CTNNA3: variants seen among roughly 807,000 people sequenced by gnomAD.
CTNNA3 encodes catenin alpha-3.
A neutral mutation model predicts 95.7 loss-of-function variants in CTNNA3; 76 were observed. That is an observed-to-expected ratio of 0.79 (90% CI 0.66 to 0.96). CTNNA3 has a LOEUF of 0.96. Among genes scored for constraint, CTNNA3 ranks in the 40% least tolerant of loss-of-function variants. CTNNA3 has a pLI of 0.00. For synonymous variants in CTNNA3, 431 were observed against 374.4 expected (o/e 1.15, Z -1.74); for missense variants, 1,191 against 1,089.8 (o/e 1.09, Z -1.31).
intron 11 of CTNNA3, among the ~76,000 whole-genome samples, chr10:66,470,879 T>G (rs143616685): frequency 6.6e-6 from 1 of 152,000 alleles, no homozygotes; most frequent in Non-Finnish European, 1.5e-5. Flanking sequence ...TCTGAAGGAC[T>G]AAAGTCTGAG....
chr10:66,395,454 G>T (rs902256985), intron 11 of CTNNA3, among the ~76,000 whole-genome samples: 2 of 151,966 alleles, frequency 1.3e-5, no homozygotes, highest in Non-Finnish European at 2.9e-5. Flanking sequence ...CACCCTGATT[G>T]TTTTTATCAT....
chr10:65,988,789 C>G lies in CTNNA3; in HGVS notation c.2168G>C (p.Gly723Ala). The change falls in exon 16 of 18, where the codon GGA becomes GCA. Residue 723 changes from glycine to alanine, a missense_variant. By Grantham distance (60) the Gly-to-Ala change is moderately conservative. Transcript: ENST00000433211. ...CACATCAGTTGTATGCTTTAGTGGTCCTTTGCCCCTGGAAAAAAATTTATA... is the reference window on the plus strand; with the variant it reads ...CACATCAGTTGTATGCTTTAGTGGTGCTTTGCCCCTGGAAAAAAATTTATA... ...MEMTDFTRGK[G>A]PLKHTTDVIY... The G allele has an allele frequency of 6.2e-7, 1 of 1,611,906 alleles. No homozygotes were observed. The highest frequency in any genetic ancestry group is 8.5e-7 in the Non-Finnish European group (1 of 1,178,788).
At chr10:67,571,659 T>C (rs542098729) in intron 3 of CTNNA3, among the ~76,000 whole-genome samples, 1 of 152,258 alleles carries the variant, frequency 6.6e-6, no homozygotes, top group South Asian at 2.1e-4. Context: ...TGGAGGTTCT[T>C]GTGCAACTGA....
At position 67,702,526 on chromosome 10, in the gene CTNNA3, A is replaced by G. The variant is rs191670035; in HGVS notation, c.-1-55012T>C. Reference sequence around the variant, plus strand: ...CTAAACAACCTGCTCCTGAATGACTACTGGGTACATAACGAAATGAAGGCA... The same window carrying G: ...CTAAACAACCTGCTCCTGAATGACTGCTGGGTACATAACGAAATGAAGGCA... On this transcript the variant is annotated intron_variant, in intron 1 of 17. Transcript: ENST00000684154. Among the ~76,000 whole-genome samples the G allele has an allele frequency of 8.6e-3, 1,307 of 152,324 alleles. 24 individuals carry two copies. Among genetic ancestry groups the G allele is most frequent in the African/African-American group, 0.029 (1,215 of 41,558 alleles).
At chr10:67,583,830 C>G (rs1216092651) in intron 3 of CTNNA3, among the ~76,000 whole-genome samples, 5 of 152,160 alleles carry the variant, frequency 3.3e-5, no homozygotes, top group Admixed American at 3.3e-4. Context: ...CGCTGATACC[C>G]TTTCTTCCAC....
intron 11 of CTNNA3, among the ~76,000 whole-genome samples, chr10:66,466,435 C>G (rs913462839): frequency 3.3e-5 from 5 of 151,774 alleles, no homozygotes; most frequent in Admixed American, 2.6e-4. Flanking sequence ...CTGCAAGGAC[C>G]TCTCATCACA....
chr10:67,073,817 C>T (rs1309997261), intron 7 of CTNNA3, among the ~76,000 whole-genome samples: 1 of 152,050 alleles, frequency 6.6e-6, no homozygotes, highest in Non-Finnish European at 1.5e-5. Flanking sequence ...ACATTTTGAT[C>T]CTTTCTAAGT....
intron 2 of CTNNA3, among the ~76,000 whole-genome samples, chr10:67,638,710 C>G (rs1355492332): frequency 6.6e-6 from 1 of 152,142 alleles, no homozygotes; most frequent in Non-Finnish European, 1.5e-5. Flanking sequence ...GAAACTCACT[C>G]AAAACCACTC....
chr10:65,927,363 T>C (rs1317130816), intron 17 of CTNNA3, among the ~76,000 whole-genome samples: 1 of 152,164 alleles, frequency 6.6e-6, no homozygotes. Flanking sequence ...ATCATATGCT[T>C]TAGGTACACT....
chr10:67,007,546 T>G (rs2133020535), intron 7 of CTNNA3, among the ~76,000 whole-genome samples: 1 of 152,166 alleles, frequency 6.6e-6, no homozygotes, highest in South Asian at 2.1e-4. Flanking sequence ...TAGGTCAAAC[T>G]TGGAATCTAA....
intron 4 of CTNNA3, among the ~76,000 whole-genome samples, chr10:67,531,984 T>C (rs1449405879): frequency 6.6e-6 from 1 of 152,048 alleles, no homozygotes; most frequent in Non-Finnish European, 1.5e-5. Context: ...TGTGACTTGC[T>C]CCTCCTTGCC....
chr10:66,764,790 A>T (rs1302735334), intron 9 of CTNNA3, among the ~76,000 whole-genome samples: 2 of 152,198 alleles, frequency 1.3e-5, no homozygotes, highest in Admixed American at 1.3e-4. Flanking sequence ...TCTTTCTGGA[A>T]TGTGTAGACG....
intron 12 of CTNNA3, among the ~76,000 whole-genome samples, chr10:66,331,848 G>T (rs2092334655): frequency 6.6e-6 from 1 of 151,910 alleles, no homozygotes; most frequent in Non-Finnish European, 1.5e-5. Flanking sequence ...GAAAGTCATT[G>T]GTAGCTTGAT....
chr10:66,821,082 TA>T (rs1189246540), intron 7 of CTNNA3, among the ~76,000 whole-genome samples: 1 of 152,162 alleles, frequency 6.6e-6, no homozygotes, highest in African/African-American at 2.4e-5. Flanking sequence ...GAAGCAAATT[TA>T]AACCTGTGTA....
At chr10:66,946,737 C>A (rs1848292625) in intron 7 of CTNNA3, among the ~76,000 whole-genome samples, 1 of 152,066 alleles carries the variant, frequency 6.6e-6, no homozygotes, top group South Asian at 2.1e-4. Flanking sequence ...TATTTCTCAT[C>A]TCTGTCCCTC....
chr10:67,332,167 G>T (rs1221663233), intron 5 of CTNNA3, among the ~76,000 whole-genome samples: 1 of 152,114 alleles, frequency 6.6e-6, no homozygotes, highest in Non-Finnish European at 1.5e-5. Flanking sequence ...CAAAGTGTTT[G>T]GTTGAATTAT....
intron 13 of CTNNA3, among the ~76,000 whole-genome samples, chr10:66,215,160 A>C (rs2088442620): frequency 6.6e-6 from 1 of 152,176 alleles, no homozygotes; most frequent in Admixed American, 6.5e-5. Context: ...AGAGGTGAAA[A>C]TATTCAAAAG....
chr10:66,290,333 C>A (rs1237757459), intron 12 of CTNNA3, among the ~76,000 whole-genome samples: 1 of 151,846 alleles, frequency 6.6e-6, no homozygotes, highest in Non-Finnish European at 1.5e-5. Flanking sequence ...TAAGGTACAG[C>A]AATTAAGTAT....
intron 5 of CTNNA3, among the ~76,000 whole-genome samples, chr10:67,230,150 A>C (rs568194936): frequency 2.0e-4 from 31 of 152,208 alleles, no homozygotes; most frequent in Non-Finnish European, 3.5e-4. Flanking sequence ...CAGAATAGAG[A>C]ACCCAGAAAT....
Sources: allele counts gnomAD v4.1 joint callset (sites outside exome capture counted in the v4.1 genomes callset), GRCh38; gene constraint gnomAD v4.1.1; transcripts MANE v1.5; gene names NCBI Gene and HGNC (gene_info 2026-07-23, HGNC 2026-07-21).